IRGQ: variants seen among roughly 807,000 people sequenced by gnomAD.
The protein encoded by IRGQ is immunity-related GTPase family Q protein.
Under a neutral mutation model 10.5 loss-of-function variants are expected in IRGQ, and 5 were observed. The ratio of observed to expected loss-of-function variants is 0.48; its 90% CI spans 0.25 to 1.00. IRGQ has a LOEUF of 1.00. Among genes scored for constraint, IRGQ ranks in the 50% least tolerant of loss-of-function variants. The pLI is 0.16. For synonymous variants in IRGQ, 418 were observed against 426.0 expected, an observed-to-expected ratio of 0.98 and a Z score of 0.23; for missense variants, 792 against 877.7, an observed-to-expected ratio of 0.90 and a Z score of 1.23.
chr19:43,595,515 C>T (rs113927234), intron 1 of IRGQ, 175 bp from the exon 2 acceptor site: 14,924 of 454,248 alleles, frequency 0.033, 381 homozygotes, highest in Non-Finnish European at 0.039. Context: ...CCCAGAATCC[C>T]AGGCGTCCTG....
In IRGQ at chr19:43,595,021, T is replaced by G; in HGVS notation, c.318A>C (p.Arg106=). ...TCCGCACAGCCAGTAGCGGGGTCCC[T>G]CGGGCCAGGGCGGCCAGCGCTGCCT... ...LGEAALAALA[R]GTPLLAVRNL... is the part of the protein sequence containing the mutation. Residue 106 remains arginine (R), a synonymous_variant, in exon 2 of 3, where the codon CGA becomes CGC. Coordinates refer to ENST00000422989, the MANE Select transcript of IRGQ (RefSeq NM_001007561.3). The G allele has an allele frequency of 6.2e-7, 1 of 1,613,346 alleles. No individual in the cohort carries two copies. The highest frequency in any genetic ancestry group is 8.5e-7 in the Non-Finnish European group (1 of 1,179,854).
At position 43,585,280 on chromosome 19, in the gene IRGQ, C is replaced by T. The variant is rs1429347266; in HGVS notation, c.*6746G>A. ...TTTGAGAGAAGTCTCGCTCTGTTGC[C>T]CAGGCTGGAGTGCAGCGGCGCAGTC... On this transcript the variant is annotated 3_prime_UTR_variant, in exon 3 of 3. Transcript: ENST00000422989. 1 of 152,052 alleles carries T rather than the reference C, an allele frequency of 6.6e-6. No individual in the cohort carries two copies. Among genetic ancestry groups the T allele is most frequent in the Non-Finnish European group, 1.5e-5 (1 of 68,090 alleles). The allele number at this position is 152,052 out of a possible 1,614,324, so 9.4% of individuals were successfully genotyped here.
chr19:43,591,100 C>A lies in IRGQ; in HGVS notation c.*926G>T, dbSNP rs2146094995. Reference sequence around the variant, plus strand: ...AGTCTCCAGCTTTCTCGCACAAGCCCCCGATCCCTCCTCCAGATGCAGACC... The same window carrying A: ...AGTCTCCAGCTTTCTCGCACAAGCCACCGATCCCTCCTCCAGATGCAGACC... On this transcript the variant is annotated 3_prime_UTR_variant, in exon 3 of 3. Transcript: ENST00000422989. 1 of 152,428 alleles carries A rather than the reference C, an allele frequency of 6.6e-6. No individual in the cohort carries two copies. The highest frequency in any genetic ancestry group is 2.1e-4 in the South Asian group (1 of 4,830). 9.4% of individuals were successfully genotyped at this position (152,428 alleles called of 1,614,324 possible).
Position 43,592,416 on chromosome 19 carries a change from C to T in IRGQ, c.1482G>A (p.Ala494=), listed in dbSNP as rs745515341. The part of the protein sequence containing the change: ...PALLASLAAA[A]APLPGLGWAC... ...CCCAGCCCAGCCCTGGGAGTGGTGC[C>T]GCCGCCGCCGCCAGACTAGCCAGCA... The change falls in exon 3 of 3, where the codon GCG becomes GCA. Residue 494 remains alanine, a synonymous_variant. Coordinates refer to ENST00000422989, the MANE Select transcript of IRGQ (RefSeq NM_001007561.3). The T allele has an allele frequency of 1.3e-6, 2 of 1,568,428 alleles. No homozygotes were observed. Among genetic ancestry groups the T allele is most frequent in the South Asian group, 1.1e-5 (1 of 88,036 alleles).
chr19:43,594,386 C>T (rs1230093183), intron 2 of IRGQ, among the ~76,000 whole-genome samples: 1 of 152,170 alleles, frequency 6.6e-6, no homozygotes, highest in South Asian at 2.1e-4. Flanking sequence ...CAAGACCAGC[C>T]TGGGGAAACA....
At position 43,592,050 on chromosome 19, in the gene IRGQ, C is replaced by T; in HGVS notation, c.1848G>A (p.Leu616=). Reference sequence around the variant, plus strand: ...CTCACTGGGCAGGCTCAGGGGGTGCCAGCACAGCCTCAGCATCAGCCCGCA... The same window carrying T: ...CTCACTGGGCAGGCTCAGGGGGTGCTAGCACAGCCTCAGCATCAGCCCGCA... The part of the protein sequence containing the change: ...DEMRADAEAV[L]APPEPAQ The change falls in exon 3 of 3, where the codon CTG becomes CTA. Residue 616 remains leucine, a synonymous_variant. Coordinates refer to ENST00000422989, the MANE Select transcript of IRGQ (RefSeq NM_001007561.3). 1.9e-6 allele frequency: 3 copies of T among 1,607,568 alleles called. No individual in the cohort carries two copies. The highest frequency in any genetic ancestry group is 2.6e-6 in the Non-Finnish European group (3 of 1,176,392).
chr19:43,592,817 C>T lies in IRGQ; in HGVS notation c.1081G>A (p.Gly361Arg). ...GESLKNAGGG[G>R]LENALSKGRE... ...CCCTTACTGAGTGCATTCTCCAATCCCCCTCCACCTGCGTTCTTTAAGCTC... is the reference window on the plus strand; with the variant it reads ...CCCTTACTGAGTGCATTCTCCAATCTCCCTCCACCTGCGTTCTTTAAGCTC... Residue 361 changes from glycine (G) to arginine (R), a missense_variant, in exon 3 of 3, where the codon GGA (glycine) becomes AGA (arginine). Coordinates refer to ENST00000422989, the MANE Select transcript of IRGQ (RefSeq NM_001007561.3). 2 of 1,614,062 alleles carry T rather than the reference C, an allele frequency of 1.2e-6. No homozygotes were observed. The highest frequency in any genetic ancestry group is 1.1e-5 in the South Asian group (1 of 91,092).
At chr19:43,594,721 C>T in intron 2 of IRGQ, 88 bp downstream of exon 2, 1 of 1,159,826 alleles carries the variant, frequency 8.6e-7, no homozygotes, top group Non-Finnish European at 1.2e-6. Flanking sequence ...CCCAAACTCA[C>T]TGGGGGAGGG....
chr19:43,594,556 G>C (rs8112771), intron 2 of IRGQ, among the ~76,000 whole-genome samples: 2,285 of 152,204 alleles, frequency 0.015, 48 homozygotes, highest in African/African-American at 0.044. Context: ...AAAAAAGGCC[G>C]GGTGTGGTGG....
rs754190954 is a variant in IRGQ at position 43,595,238 on chromosome 19, G to T, written c.101C>A (p.Thr34Lys). ...CGGCCGTCCCTCGGGGGCCTCGAGC[G>T]TCTCCACATCCTTGTCGCACAGCGC... ...IAALCDKDVE[T>K]LEAPEGRPDS... Residue 34 changes from threonine (T) to lysine (K), a missense_variant, in exon 2 of 3, where the codon ACG becomes AAG. Physicochemically the swap from Thr to Lys is moderately conservative, Grantham distance 78. Coordinates refer to ENST00000422989, the MANE Select transcript of IRGQ (RefSeq NM_001007561.3). 3.7e-6 allele frequency: 6 copies of T among 1,612,494 alleles called. No homozygotes were observed. The highest frequency in any genetic ancestry group is 1.7e-5 in the Admixed American group (1 of 59,970).
Position 43,589,724 on chromosome 19 carries a change from A to G in IRGQ, c.*2302T>C, listed in dbSNP as rs915623352. 6.6e-6 allele frequency: 1 copy of G among 152,210 alleles called. No homozygotes were observed. The highest frequency in any genetic ancestry group is 1.5e-5 in the Non-Finnish European group (1 of 68,056). 9.4% of individuals were successfully genotyped at this position (152,210 alleles called of 1,614,324 possible). A position where few individuals can be genotyped will look rare whatever the true frequency, so the allele number is the denominator to read the frequency against. ...GTAAATAAATAAGATCATTTTTGAC[A>G]GTAATAATTGCTACAAGGAAACTCA... On this transcript the variant is annotated 3_prime_UTR_variant, in exon 3 of 3. Coordinates refer to ENST00000422989, the MANE Select transcript of IRGQ (RefSeq NM_001007561.3).
rs1206185441 is a variant in IRGQ, at chr19:43,584,891, G to A, written c.*7135C>T. 1 of 152,178 alleles carries A rather than the reference G, an allele frequency of 6.6e-6. No individual in the cohort carries two copies. The highest frequency in any genetic ancestry group is 1.5e-5 in the Non-Finnish European group (1 of 68,126). 9.4% of individuals were successfully genotyped at this position (152,178 alleles called of 1,614,324 possible). The stretch of plus-strand genomic sequence containing the variant: ...AGACATTGTCTTGCTCTGTCACCCA[G>A]GCTGGAGTGCAGTGGAGCCATCATA... On this transcript the variant is annotated 3_prime_UTR_variant, in exon 3 of 3. Transcript: ENST00000422989.
chr19:43,592,494 G>A lies in IRGQ; in HGVS notation c.1404C>T (p.Ser468=), dbSNP rs1326877002. The change falls in exon 3 of 3, where the codon AGC becomes AGT. Residue 468 remains serine (S), a synonymous_variant. Coordinates refer to ENST00000422989, the MANE Select transcript of IRGQ (RefSeq NM_001007561.3). The part of the protein sequence containing the change: ...LLLALPPASP[S]AARTKAAALR... Reference sequence around the variant, plus strand: ...ACGCCGCAGCCTTGGTTCGGGCAGCGCTGGGAGATGCTGGTGGCAACGCCA... The same window carrying A: ...ACGCCGCAGCCTTGGTTCGGGCAGCACTGGGAGATGCTGGTGGCAACGCCA... The A allele has an allele frequency of 3.1e-6, 5 of 1,593,828 alleles. No individual in the cohort carries two copies. Among genetic ancestry groups the A allele is most frequent in the African/African-American group, 1.3e-5 (1 of 74,914 alleles).
rs2066875278 is a variant in IRGQ, at chr19:43,586,345, T to C, written c.*5681A>G. Reference sequence around the variant, plus strand: ...TAAAATGGAATCCCATTAAAAGTTATGATTTAAAAGGCGACCACCCCCAAA... The same window carrying C: ...TAAAATGGAATCCCATTAAAAGTTACGATTTAAAAGGCGACCACCCCCAAA... On this transcript the variant is annotated 3_prime_UTR_variant, in exon 3 of 3. Transcript: ENST00000422989. 1 of 152,114 alleles carries C rather than the reference T, an allele frequency of 6.6e-6. No homozygotes were observed. The highest frequency in any genetic ancestry group is 2.4e-5 in the African/African-American group (1 of 41,400). The allele number at this position is 152,114 out of a possible 1,614,324, so 9.4% of individuals were successfully genotyped here.
Position 43,589,778 on chromosome 19 carries a change from T to C in IRGQ, c.*2248A>G, listed in dbSNP as rs1331211308. 2.0e-5 allele frequency: 3 copies of C among 152,098 alleles called. No individual in the cohort carries two copies. The highest frequency in any genetic ancestry group is 7.2e-5 in the African/African-American group (3 of 41,402). 9.4% of individuals were successfully genotyped at this position (152,098 alleles called of 1,614,324 possible). A position where few individuals can be genotyped will look rare whatever the true frequency, so the allele number is the denominator to read the frequency against. On this transcript the variant is annotated 3_prime_UTR_variant, in exon 3 of 3. Transcript: ENST00000422989. Reference sequence around the variant, plus strand: ...GGCCGAAATGAATAGTGGGGGAATGTGAGCTACTTCAGATAGGGTGGTCAG... The same window carrying C: ...GGCCGAAATGAATAGTGGGGGAATGCGAGCTACTTCAGATAGGGTGGTCAG...
Position 43,594,966 on chromosome 19 carries a change from C to CGGCA in IRGQ, c.369_372dup (p.Ala125CysfsTer6), listed in dbSNP as rs948145004. 1.2e-6 allele frequency: 2 copies of CGGCA among 1,613,912 alleles called. No homozygotes were observed. The highest frequency in any genetic ancestry group is 1.7e-5 in the Admixed American group (1 of 60,010). On this transcript the variant is annotated frameshift_variant, in exon 2 of 3. Coordinates refer to ENST00000422989, the MANE Select transcript of IRGQ (RefSeq NM_001007561.3). LOFTEE classifies it high-confidence loss of function. Reference sequence around the variant, plus strand: ...GCTGCTGTCTGATCACGGGCCTGGGCGGCAGTCTGTGAATCCCCAGGACGG... The same window carrying CGGCA: ...GCTGCTGTCTGATCACGGGCCTGGGCGGCAGGCAGTCTGTGAATCCCCAGGACGG...
Position 43,593,127 on chromosome 19 carries a change from G to C in IRGQ, c.771C>G (p.Val257=), listed in dbSNP as rs752045444. 6.4e-7 allele frequency: 1 copy of C among 1,565,394 alleles called. No homozygotes were observed. The highest frequency in any genetic ancestry group is 8.7e-7 in the Non-Finnish European group (1 of 1,151,802). The part of the protein sequence containing the change: ...PGDPGAAPAS[V]PTAPTPFPAP... ...CTGGGAAGGGAGTGGGTGCTGTGGG[G>C]ACCGAAGCAGGCGCAGCGCCTGGGT... Residue 257 remains valine (V), a synonymous_variant, in exon 3 of 3, where the codon GTC becomes GTG. Coordinates refer to ENST00000422989, the MANE Select transcript of IRGQ (RefSeq NM_001007561.3). The surrounding 1 kb of genome is among the most constrained non-coding windows in gnomAD (Gnocchi z 6.4).
At position 43,596,114 on chromosome 19, in the gene IRGQ, C is replaced by T. The variant is rs994058669; in HGVS notation, c.-135G>A. Reference sequence around the variant, plus strand: ...AGCGGTGATTTAGAGATGCCGGGACCCGTCCCGGTAGCTTTAACCTGACGT... The same window carrying T: ...AGCGGTGATTTAGAGATGCCGGGACTCGTCCCGGTAGCTTTAACCTGACGT... On this transcript the variant is annotated 5_prime_UTR_variant, in exon 1 of 3. Coordinates refer to ENST00000422989, the MANE Select transcript of IRGQ (RefSeq NM_001007561.3). The T allele has an allele frequency of 6.6e-6, 1 of 152,210 alleles. No individual in the cohort carries two copies. The highest frequency in any genetic ancestry group is 2.4e-5 in the African/African-American group (1 of 41,462). The allele number at this position is 152,210 out of a possible 1,614,324, so 9.4% of individuals were successfully genotyped here.
rs1972975810 is a variant in IRGQ at position 43,584,896 on chromosome 19, G to A, written c.*7130C>T. 6.6e-6 allele frequency: 1 copy of A among 152,166 alleles called. No individual in the cohort carries two copies. The highest frequency in any genetic ancestry group is 2.4e-5 in the African/African-American group (1 of 41,398). The allele number at this position is 152,166 out of a possible 1,614,324, so 9.4% of individuals were successfully genotyped here. A position where few individuals can be genotyped will look rare whatever the true frequency, so the allele number is the denominator to read the frequency against. The stretch of plus-strand genomic sequence containing the variant: ...TTGTCTTGCTCTGTCACCCAGGCTG[G>A]AGTGCAGTGGAGCCATCATAGCTCA... On this transcript the variant is annotated 3_prime_UTR_variant, in exon 3 of 3. Transcript: ENST00000422989.
Sources: gnomAD v4.1 joint callset for allele counts (sites outside exome capture counted in the v4.1 genomes callset) on GRCh38, gnomAD v4.1.1 for gene constraint, Gnocchi (gnomAD v3.1) non-coding constraint, MANE v1.5 for transcripts, NCBI Gene and HGNC (gene_info 2026-07-23, HGNC 2026-07-21) for gene names.